Variants in NTRK3 observed in about 807,000 individuals in gnomAD.
NTRK3 encodes the protein NT-3 growth factor receptor.
NTRK3 carries 24 observed loss-of-function variants against 91.7 expected under a neutral mutation model. The observed-to-expected ratio is 0.26, with a 90% CI of 0.19 to 0.37. NTRK3 has a LOEUF of 0.37. Among genes scored for constraint, NTRK3 ranks in the 10% least tolerant of loss-of-function variants. The pLI is 1.00. For synonymous variants in NTRK3, 483 were observed against 404.0 expected (o/e 1.20, Z -2.34); for missense variants, 880 against 1,068.9 (o/e 0.82, Z 2.46).
At chr15:88,067,937 G>A (rs2046793714) in intron 13 of NTRK3, among the ~76,000 whole-genome samples, 1 of 152,122 alleles carries the variant, frequency 6.6e-6, no homozygotes, top group African/African-American at 2.4e-5. Flanking sequence ...TCCTCATTAT[G>A]TTGTTATACC....
chr15:88,038,599 G>C (rs2079288364), intron 13 of NTRK3, among the ~76,000 whole-genome samples: 2 of 152,210 alleles, frequency 1.3e-5, no homozygotes, highest in African/African-American at 4.8e-5. Context: ...CTCTGCGGAG[G>C]ATGCTGATCA....
chr15:87,946,088 C>T (rs1208731223), intron 14 of NTRK3: 1 of 152,124 alleles, frequency 6.6e-6, no homozygotes, highest in African/African-American at 2.4e-5. Flanking sequence ...AAAATCGTGG[C>T]TTGAAAAGAA....
chr15:88,250,792 C>A (rs531255649), intron 3 of NTRK3, among the ~76,000 whole-genome samples: 38 of 152,224 alleles, frequency 2.5e-4, no homozygotes, highest in Non-Finnish European at 4.4e-4. Context: ...ATTTAGCAAT[C>A]AAAAAGTTTA....
intron 13 of NTRK3, among the ~76,000 whole-genome samples, chr15:88,117,078 C>A (rs989439158): frequency 4.6e-5 from 7 of 152,182 alleles, no homozygotes; most frequent in Non-Finnish European, 8.8e-5. Flanking sequence ...TAAAAAAGAA[C>A]ACCCACCCCT....
intron 5 of NTRK3, among the ~76,000 whole-genome samples, chr15:88,164,015 A>G (rs1167389760): frequency 6.6e-6 from 1 of 152,192 alleles, no homozygotes; most frequent in Admixed American, 6.5e-5. Flanking sequence ...TGCTCATGCA[A>G]TCATTCAACA....
chr15:88,025,099 CAG>C lies in NTRK3; in HGVS notation c.1585+7756_1585+7757del, dbSNP rs1181437322. ...ACTTCACCAGGCACACCAAGAAGGA[CAG>C]TGTGCATCCACAAGTGCCAGGAGAC... On this transcript the variant is annotated intron_variant, in intron 14 of 18. Coordinates refer to ENST00000394480, the Ensembl canonical transcript of NTRK3. Among the ~76,000 whole-genome samples, 4 of 152,318 alleles carry C rather than the reference CAG, an allele frequency of 2.6e-5. No homozygotes were observed. The East Asian group carries it at 5.8e-4, about 22-fold the overall frequency.
intron 14 of NTRK3, among the ~76,000 whole-genome samples, chr15:88,024,428 T>C (rs1406136483): frequency 6.6e-6 from 1 of 152,152 alleles, no homozygotes; most frequent in Non-Finnish European, 1.5e-5. Context: ...GAGTGCCTGG[T>C]ACTTAAGAAG....
chr15:87,916,363 G>T, intron 17 of NTRK3: 6 of 494,990 alleles, frequency 1.2e-5, no homozygotes, highest in East Asian at 6.0e-5. Flanking sequence ...ATCCTGTTAT[G>T]ACACATCCGT....
intron 3 of NTRK3, among the ~76,000 whole-genome samples, chr15:88,189,039 G>A (rs1009362793): frequency 1.1e-4 from 16 of 152,200 alleles, no homozygotes; most frequent in Non-Finnish European, 2.1e-4. Context: ...CCAGACGGAG[G>A]GAGACAGTGG....
intron 3 of NTRK3, among the ~76,000 whole-genome samples, chr15:88,202,403 G>C (rs559271569): frequency 2.6e-5 from 4 of 152,194 alleles, no homozygotes; most frequent in Non-Finnish European, 5.9e-5. Context: ...TGTGCAGTGT[G>C]AAGTCATAGT....
intron 3 of NTRK3, among the ~76,000 whole-genome samples, chr15:88,221,277 G>A (rs12101365): frequency 0.014 from 2,193 of 152,268 alleles, 62 homozygotes; most frequent in African/African-American, 0.049. Context: ...CATTCTTAGA[G>A]GATGAGATGA....
chr15:88,117,775 T>A (rs938545237), intron 13 of NTRK3, among the ~76,000 whole-genome samples: 1 of 152,220 alleles, frequency 6.6e-6, no homozygotes, highest in African/African-American at 2.4e-5. Flanking sequence ...GCACCAGAGT[T>A]ACTTGGTTGG....
chr15:88,212,055 A>C (rs1037563861), intron 3 of NTRK3, among the ~76,000 whole-genome samples: 7 of 152,218 alleles, frequency 4.6e-5, no homozygotes, highest in African/African-American at 1.7e-4. Context: ...CAAAGAAATA[A>C]AGGTGGAAGC....
intron 14 of NTRK3, among the ~76,000 whole-genome samples, chr15:87,990,100 C>T (rs1267313133): frequency 6.6e-6 from 1 of 152,130 alleles, no homozygotes; most frequent in Non-Finnish European, 1.5e-5. Flanking sequence ...AGTCCTCCTA[C>T]AAGGGTAATA....
At chr15:88,142,707 A>G (rs1284382181) in intron 6 of NTRK3, among the ~76,000 whole-genome samples, 1 of 152,156 alleles carries the variant, frequency 6.6e-6, no homozygotes, top group Admixed American at 6.5e-5. Context: ...AAGCACACAA[A>G]CCAAAGATCT....
At chr15:88,023,757 C>T (rs910479781) in intron 14 of NTRK3, among the ~76,000 whole-genome samples, 1 of 152,194 alleles carries the variant, frequency 6.6e-6, no homozygotes, top group African/African-American at 2.4e-5. Context: ...ACCCCATGCT[C>T]CCAGCCCAGC....
exon 19 of NTRK3, chr15:87,874,916 A>T (rs2064909711): frequency 4.3e-6 from 1 of 232,490 alleles, no homozygotes; most frequent in Non-Finnish European, 8.5e-6. Context: ...ACAGTGAGAA[A>T]ACCAACACCA....
At chr15:88,137,122 T>A (rs974178011) in intron 7 of NTRK3, among the ~76,000 whole-genome samples, 3 of 152,164 alleles carry the variant, frequency 2.0e-5, no homozygotes, top group African/African-American at 7.2e-5. Context: ...GGTTGACAGG[T>A]AACTCACAGG....
exon 14 of NTRK3, chr15:88,033,008 G>A (rs2142022782): frequency 6.2e-7 from 1 of 1,604,642 alleles, no homozygotes. Context: ...GCAGTGGGCT[G>A]GCTGAGTCCT....
Sources: gnomAD v4.1 joint callset for allele counts (sites outside exome capture counted in the v4.1 genomes callset) on GRCh38, gnomAD v4.1.1 for gene constraint, MANE v1.5 for transcripts, NCBI Gene and HGNC (gene_info 2026-07-23, HGNC 2026-07-21) for gene names.